Variants in CSNK1G1 observed in about 807,000 individuals in gnomAD.
CSNK1G1 encodes the protein casein kinase 1 gamma 1.
In CSNK1G1, 22 loss-of-function variants were observed where a neutral mutation model predicts 59.6. The observed-to-expected ratio is 0.37, with a 90% CI of 0.26 to 0.53. The LOEUF (loss-of-function observed/expected upper bound fraction) is 0.53, where lower values mean the gene tolerates loss of function less well. Ranked by LOEUF, CSNK1G1 falls within the 20% of genes least tolerant of loss-of-function variation. CSNK1G1 has a pLI of 0.89. For synonymous variants in CSNK1G1, 179 were observed against 177.1 expected, an observed-to-expected ratio of 1.01 and a Z score of -0.08; for missense variants, 384 against 519.5, an observed-to-expected ratio of 0.74 and a Z score of 2.54.
At chr15:64,227,746 C>T (rs965083292) in intron 4 of CSNK1G1, among the ~76,000 whole-genome samples, 16 of 152,236 alleles carry the variant, frequency 1.1e-4, no homozygotes, top group Non-Finnish European at 5.9e-5. Flanking sequence ...ACTAAAGACC[C>T]CATTTTACAG....
At chr15:64,326,825 C>G (rs1312279460) in intron 1 of CSNK1G1, among the ~76,000 whole-genome samples, 69 of 146,990 alleles carry the variant, frequency 4.7e-4, no homozygotes, top group Non-Finnish European at 3.0e-4. Context: ...GCGCACCGTG[C>G]GCGAGCCGAA....
intron 6 of CSNK1G1, 89 bp from the exon 7 acceptor site, chr15:64,207,683 G>T: frequency 2.1e-6 from 2 of 957,762 alleles, no homozygotes; most frequent in East Asian, 2.5e-5. Context: ...GAAACCCTTC[G>T]GCTCTGGAAA....
intron 11 of CSNK1G1, among the ~76,000 whole-genome samples, chr15:64,175,230 A>G (rs745893121): frequency 6.6e-6 from 1 of 152,020 alleles, no homozygotes; most frequent in Non-Finnish European, 1.5e-5. Flanking sequence ...TTTCTTTAAT[A>G]CATTCCTGTC....
At chr15:64,238,972 T>C (rs1167275882) in intron 4 of CSNK1G1, among the ~76,000 whole-genome samples, 1 of 152,162 alleles carries the variant, frequency 6.6e-6, no homozygotes, top group African/African-American at 2.4e-5. Context: ...TTAACAACCT[T>C]CTGCCATCAC....
At chr15:64,199,381 A>G (rs962710868) in intron 10 of CSNK1G1, among the ~76,000 whole-genome samples, 2 of 152,154 alleles carry the variant, frequency 1.3e-5, no homozygotes, top group Non-Finnish European at 2.9e-5. Context: ...TTTCCTAAAT[A>G]ATTATATACT....
In CSNK1G1 at chr15:64,170,823, G is replaced by T. The variant is rs2081655583; in HGVS notation, c.*1108C>A. On this transcript the variant is annotated 3_prime_UTR_variant, in exon 12 of 12. Coordinates refer to ENST00000303052, the MANE Select transcript of CSNK1G1 (RefSeq NM_022048.5). ...TGGGATGAGCTGTTTCCTGGTCACAGTCTGGCTCGGCTGGCTCATCTCATG... is the reference window on the plus strand; with the variant it reads ...TGGGATGAGCTGTTTCCTGGTCACATTCTGGCTCGGCTGGCTCATCTCATG... 1 of 152,592 alleles carries T rather than the reference G, an allele frequency of 6.6e-6. No homozygotes were observed. Among genetic ancestry groups the T allele is most frequent in the African/African-American group, 2.4e-5 (1 of 41,430 alleles). The allele number at this position is 152,592 out of a possible 1,614,324, so 9.5% of individuals were successfully genotyped here.
At chr15:64,324,747 G>C (rs1353621954) in intron 1 of CSNK1G1, among the ~76,000 whole-genome samples, 1 of 152,136 alleles carries the variant, frequency 6.6e-6, no homozygotes, top group African/African-American at 2.4e-5. Flanking sequence ...TGTCCTTCTA[G>C]AGAACCCTGA....
intron 11 of CSNK1G1, among the ~76,000 whole-genome samples, chr15:64,179,781 G>T (rs866787801): frequency 6.6e-6 from 1 of 152,240 alleles, no homozygotes; most frequent in African/African-American, 2.4e-5. Flanking sequence ...AGAAAAGGGT[G>T]TGGGGCAACC....
intron 1 of CSNK1G1, among the ~76,000 whole-genome samples, chr15:64,353,122 T>C (rs1898410289): frequency 6.6e-6 from 1 of 152,058 alleles, no homozygotes; most frequent in Non-Finnish European, 1.5e-5. Context: ...CTCACAAATT[T>C]ACACAAAACT....
chr15:64,301,868 CAG>C, intron 1 of CSNK1G1, among the ~76,000 whole-genome samples: 1 of 151,406 alleles, frequency 6.6e-6, no homozygotes, highest in Non-Finnish European at 1.5e-5. Context: ...ACCTGAGTGA[CAG>C]AGTGAGACTC....
chr15:64,186,007 T>C (rs999976910), intron 10 of CSNK1G1, among the ~76,000 whole-genome samples: 1 of 152,164 alleles, frequency 6.6e-6, no homozygotes, highest in Admixed American at 6.5e-5. Flanking sequence ...CTTCTATTGG[T>C]GTACAGATCC....
chr15:64,191,147 C>T (rs1180549776), intron 10 of CSNK1G1, among the ~76,000 whole-genome samples: 1 of 152,094 alleles, frequency 6.6e-6, no homozygotes, highest in Non-Finnish European at 1.5e-5. Context: ...CTGCAAGCTC[C>T]GCCTCCCGAG....
intron 1 of CSNK1G1, among the ~76,000 whole-genome samples, chr15:64,312,336 G>A (rs4777105): frequency 0.8 from 122,386 of 152,094 alleles, 50,381 homozygotes; most frequent in East Asian, 0.95. Context: ...GAGGCATCAC[G>A]CTACCTGACT....
Position 64,297,068 on chromosome 15 carries a change from T to C in CSNK1G1, c.181+3251A>G, listed in dbSNP as rs890733193. Among the ~76,000 whole-genome samples the C allele has an allele frequency of 2.0e-5, 3 of 151,752 alleles. No homozygotes were observed. The South Asian group carries it at 6.2e-4, about 32-fold the overall frequency. On this transcript the variant is annotated intron_variant, in intron 2 of 11. Transcript: ENST00000303052. ...CCCCTCTTCCTATTCATCAGCTTTT[T>C]ATCCTTCCATCTCATAAATAACAGT...
intron 1 of CSNK1G1, among the ~76,000 whole-genome samples, chr15:64,322,416 T>C (rs1896612612): frequency 1.3e-5 from 2 of 151,988 alleles, no homozygotes; most frequent in African/African-American, 4.8e-5. Context: ...TTGCCCAGGC[T>C]GGTCTCGAAC....
At chr15:64,265,589 C>T (rs1892930831) in intron 2 of CSNK1G1, among the ~76,000 whole-genome samples, 2 of 151,648 alleles carry the variant, frequency 1.3e-5, no homozygotes, top group Non-Finnish European at 2.9e-5. Context: ...ATAAATTAGC[C>T]AGTCTTGGGT....
intron 4 of CSNK1G1, among the ~76,000 whole-genome samples, chr15:64,243,130 G>A (rs967680991): frequency 1.3e-4 from 20 of 152,124 alleles, no homozygotes; most frequent in African/African-American, 4.8e-4. Flanking sequence ...GAGGTCAAGA[G>A]ATCGAGACTA....
chr15:64,322,833 G>A (rs1007309755), intron 1 of CSNK1G1, among the ~76,000 whole-genome samples: 1 of 151,928 alleles, frequency 6.6e-6, no homozygotes, highest in Non-Finnish European at 1.5e-5. Context: ...AACTAAATAA[G>A]TAAGTAAAAT....
intron 11 of CSNK1G1, 38 bp downstream of exon 11, chr15:64,180,310 A>C: frequency 6.7e-7 from 1 of 1,490,212 alleles, no homozygotes; most frequent in Non-Finnish European, 9.4e-7. Flanking sequence ...AGATTTTTCA[A>C]CCCATGACTT....
Sources: allele counts gnomAD v4.1 joint callset (sites outside exome capture counted in the v4.1 genomes callset), GRCh38; gene constraint gnomAD v4.1.1; transcripts MANE v1.5; gene names NCBI Gene and HGNC (gene_info 2026-07-23, HGNC 2026-07-21).